Variants in SYN3 observed in about 807,000 individuals in gnomAD.
SYN3 encodes the protein synapsin-3.
Under a neutral mutation model 65.8 loss-of-function variants are expected in SYN3, and 35 were observed. The ratio of observed to expected loss-of-function variants is 0.53; its 90% CI spans 0.41 to 0.70. The LOEUF (loss-of-function observed/expected upper bound fraction) is 0.70, where lower values mean the gene tolerates loss of function less well. Among genes scored for constraint, SYN3 ranks in the 30% least tolerant of loss-of-function variants. The pLI is 0.00. For synonymous variants in SYN3, 270 were observed against 292.9 expected, an observed-to-expected ratio of 0.92 and a Z score of 0.80; for missense variants, 680 against 749.0, an observed-to-expected ratio of 0.91 and a Z score of 1.08.
chr22:32,866,759 T>A (rs1377827637), intron 5 of SYN3, among the ~76,000 whole-genome samples: 2 of 152,068 alleles, frequency 1.3e-5, no homozygotes, highest in Non-Finnish European at 2.9e-5. Context: ...AAAAGCCCAG[T>A]TAGGGCAGAA....
chr22:32,894,295 C>T (rs1413042632), intron 4 of SYN3, among the ~76,000 whole-genome samples: 1 of 152,184 alleles, frequency 6.6e-6, no homozygotes, highest in African/African-American at 2.4e-5. Context: ...GTCAAGGGTC[C>T]TAATTCTGTT....
intron 6 of SYN3, among the ~76,000 whole-genome samples, chr22:32,662,114 C>G (rs2060224677): frequency 6.6e-6 from 1 of 152,180 alleles, no homozygotes; most frequent in South Asian, 2.1e-4. Flanking sequence ...CAGTTGTCAT[C>G]TGATTGGTCA....
At chr22:32,851,945 C>T (rs1033740197) in intron 6 of SYN3, among the ~76,000 whole-genome samples, 20 of 152,310 alleles carry the variant, frequency 1.3e-4, no homozygotes, top group African/African-American at 4.3e-4. Context: ...TCCATCCTCT[C>T]GTGCTTCCTT....
intron 4 of SYN3, among the ~76,000 whole-genome samples, chr22:32,882,279 A>G (rs1601614453): frequency 2.6e-5 from 4 of 152,142 alleles, no homozygotes; most frequent in African/African-American, 4.8e-5. Flanking sequence ...CCCTGTCCCT[A>G]TGTTCTAACA....
chr22:32,781,794 C>T (rs899708741), intron 6 of SYN3, among the ~76,000 whole-genome samples: 12 of 151,996 alleles, frequency 7.9e-5, no homozygotes, highest in African/African-American at 2.9e-4. Flanking sequence ...TCCTCCAGGA[C>T]TGCCTTAGGA....
At chr22:33,051,255 C>G (rs1462647215) in intron 1 of SYN3, among the ~76,000 whole-genome samples, 1 of 152,174 alleles carries the variant, frequency 6.6e-6, no homozygotes, top group Non-Finnish European at 1.5e-5. Context: ...GAGAACCCAT[C>G]ACTTATAACC....
intron 6 of SYN3, among the ~76,000 whole-genome samples, chr22:32,856,348 C>G (rs1416091478): frequency 6.6e-6 from 1 of 152,040 alleles, no homozygotes; most frequent in Non-Finnish European, 1.5e-5. Context: ...GAAGGTTTCT[C>G]TGGGAAGGCA....
chr22:32,925,998 C>T (rs937616640), intron 4 of SYN3, among the ~76,000 whole-genome samples: 2 of 151,528 alleles, frequency 1.3e-5, no homozygotes, highest in African/African-American at 4.8e-5. Flanking sequence ...ACTACAGGCG[C>T]ACACCACCAC....
chr22:32,968,511 A>G (rs2051916700), intron 3 of SYN3, among the ~76,000 whole-genome samples: 1 of 152,214 alleles, frequency 6.6e-6, no homozygotes, highest in Admixed American at 6.5e-5. Context: ...TCTTAGTTGC[A>G]TGCCTTGCAC....
At chr22:32,792,556 C>G (rs1355018420) in intron 6 of SYN3, among the ~76,000 whole-genome samples, 7 of 152,170 alleles carry the variant, frequency 4.6e-5, no homozygotes, top group Admixed American at 4.6e-4. Context: ...TGGGCCCTAT[C>G]TACGTAATAC....
intron 7 of SYN3, among the ~76,000 whole-genome samples, chr22:32,562,388 T>C (rs1053764651): frequency 6.6e-6 from 1 of 152,226 alleles, no homozygotes; most frequent in African/African-American, 2.4e-5. Flanking sequence ...AAAGTGATCC[T>C]TGGTAAATTT....
chr22:32,565,832 C>T (rs5754149), intron 7 of SYN3, among the ~76,000 whole-genome samples: 1 of 151,906 alleles, frequency 6.6e-6, no homozygotes, highest in Non-Finnish European at 1.5e-5. Flanking sequence ...TTGCCTCAGC[C>T]CCCCCGAGTA....
At chr22:32,699,743 G>T (rs757612640) in intron 6 of SYN3, among the ~76,000 whole-genome samples, 6 of 152,088 alleles carry the variant, frequency 3.9e-5, no homozygotes, top group Non-Finnish European at 7.4e-5. Context: ...TCATCTACAG[G>T]GCCTCTCCTC....
At chr22:32,979,502 C>T (rs1428327329) in intron 3 of SYN3, among the ~76,000 whole-genome samples, 3 of 152,126 alleles carry the variant, frequency 2.0e-5, no homozygotes, top group Non-Finnish European at 4.4e-5. Context: ...TTCTCTGACA[C>T]GGTAAGCTCA....
intron 6 of SYN3, among the ~76,000 whole-genome samples, chr22:32,640,642 G>C (rs1472308628): frequency 6.6e-6 from 1 of 152,070 alleles, no homozygotes; most frequent in East Asian, 1.9e-4. Flanking sequence ...CGAGGTGGGC[G>C]GGTCACAAGG....
At chr22:33,033,335 T>C (rs12329983) in intron 1 of SYN3, among the ~76,000 whole-genome samples, 7,236 of 152,042 alleles carry the variant, frequency 0.048, 538 homozygotes, top group African/African-American at 0.16. Context: ...TTGTAGAGCT[T>C]GGTTTTCTTG....
intron 6 of SYN3, among the ~76,000 whole-genome samples, chr22:32,749,145 G>C (rs2145641385): frequency 6.6e-6 from 1 of 152,234 alleles, no homozygotes; most frequent in South Asian, 2.1e-4. Context: ...TTGGTGTCCA[G>C]GGAGGGTCCA....
intron 6 of SYN3, among the ~76,000 whole-genome samples, chr22:32,658,717 T>G (rs1008594732): frequency 6.8e-4 from 103 of 152,100 alleles, no homozygotes; most frequent in African/African-American, 2.3e-3. Flanking sequence ...TGTACAAAGA[T>G]GAGGGTGCAC....
chr22:32,811,539 T>G (rs1281643489), intron 6 of SYN3, among the ~76,000 whole-genome samples: 1 of 152,206 alleles, frequency 6.6e-6, no homozygotes, highest in Non-Finnish European at 1.5e-5. Context: ...CCAAATCTAA[T>G]GTGTTCCATT....
Sources: gnomAD v4.1 joint callset for allele counts (sites outside exome capture counted in the v4.1 genomes callset) on GRCh38, gnomAD v4.1.1 for gene constraint, MANE v1.5 for transcripts, NCBI Gene and HGNC (gene_info 2026-07-23, HGNC 2026-07-21) for gene names.